The following ISL1 variants were observed in gnomAD, a reference collection of about 807,000 sequenced individuals.
ISL1 encodes the protein insulin gene enhancer protein ISL-1.
A neutral mutation model predicts 35.3 loss-of-function variants in ISL1; 4 were observed. The observed-to-expected ratio is 0.11, with a 90% CI of 0.06 to 0.26. The LOEUF (loss-of-function observed/expected upper bound fraction) is 0.26, where lower values mean the gene tolerates loss of function less well. ISL1 is among the 10% of genes least tolerant of loss of function. The probability of loss-of-function intolerance (pLI) is 1.00; values close to 1 mark genes in which losing one functional copy is unlikely to be tolerated. For missense variants in ISL1, 340 were observed against 472.8 expected (o/e 0.72, Z 2.60); for synonymous variants, 186 against 172.3 (o/e 1.08, Z -0.62).
Position 51,389,748 on chromosome 5 carries a change from A to G in ISL1, c.581A>G (p.His194Arg), listed in dbSNP as rs1293031086. Residue 194 changes from histidine (H) to arginine (R), a missense_variant, in exon 4 of 6, where the codon CAC (histidine) becomes CGC (arginine). Physicochemically the swap from His to Arg is conservative, Grantham distance 29 (BLOSUM62 0). Around this residue, in one of 7 missense-constraint regions of ISL1, gnomAD observed 24 missense variants for 59.7 expected, o/e 0.40. Transcript: ENST00000230658. This position sits in a 1 kb window ranked among gnomAD's most constrained non-coding sequence, Gnocchi z 5.0. Reference protein sequence around the residue: ...VRTVLNEKQLHTLRTCYAANP... With the variant: ...VRTVLNEKQLRTLRTCYAANP... Reference sequence around the variant, plus strand: ...ACTGTGCTGAACGAGAAGCAGCTGCACACCTTGCGGACCTGCTACGCCGCA... The same window carrying G: ...ACTGTGCTGAACGAGAAGCAGCTGCGCACCTTGCGGACCTGCTACGCCGCA... 2 of 1,614,178 alleles carry G rather than the reference A, an allele frequency of 1.2e-6. No individual in the cohort carries two copies. The highest frequency in any genetic ancestry group is 3.3e-5 in the Admixed American group (2 of 60,032).
Position 51,391,306 on chromosome 5 carries a change from G to A in ISL1, c.798G>A (p.Val266=). 6.2e-7 allele frequency: 1 copy of A among 1,613,278 alleles called. No individual in the cohort carries two copies. Among genetic ancestry groups the A allele is most frequent in the Non-Finnish European group, 8.5e-7 (1 of 1,179,986 alleles). The change falls in exon 5 of 6, where the codon GTG becomes GTA. Residue 266 remains valine, a synonymous_variant. Coordinates refer to ENST00000230658, the MANE Select transcript of ISL1 (RefSeq NM_002202.3). ...NIQGMTGTPM[V]AASPERHDGG... is the part of the protein sequence containing the mutation. Reference sequence around the variant, plus strand: ...AGGGGATGACAGGAACTCCCATGGTGGCTGCCAGTCCAGAGAGACACGACG... The same window carrying A: ...AGGGGATGACAGGAACTCCCATGGTAGCTGCCAGTCCAGAGAGACACGACG...
At position 51,387,769 on chromosome 5, in the gene ISL1, G is replaced by A. The variant is rs1747386005; in HGVS notation, c.478+20G>A. On this transcript the variant is annotated intron_variant, in intron 3 of 5. Coordinates refer to ENST00000230658, the MANE Select transcript of ISL1 (RefSeq NM_002202.3). The surrounding 1 kb of genome is among the most constrained non-coding windows in gnomAD (Gnocchi z 4.3). ...TGGCAGGTACTCCTCTGCCCGGCTC[G>A]GGTAGGCAGGCGCCAGGTTAAGCCA... 1 of 1,612,964 alleles carries A rather than the reference G, an allele frequency of 6.2e-7. No homozygotes were observed. Among genetic ancestry groups the A allele is most frequent in the Admixed American group, 1.7e-5 (1 of 59,978 alleles).
rs757785737 is a variant in ISL1, at chr5:51,389,626, C to T, written c.479-20C>T. 4.0e-5 allele frequency: 64 copies of T among 1,598,308 alleles called. No individual in the cohort carries two copies. The highest frequency in any genetic ancestry group is 5.4e-5 in the African/African-American group (4 of 74,620). On this transcript the variant is annotated intron_variant, in intron 3 of 5. Transcript: ENST00000230658. This position sits in a 1 kb window ranked among gnomAD's most constrained non-coding sequence, Gnocchi z 5.0. ...AAGCGAGCCTCCAGCCCAGCGCTCA[C>T]GGCGCTCCTTGCCCCGCAGCGGAGC...
At chr5:51,386,453 G>T (rs1205936014) in intron 2 of ISL1, 1 of 403,826 alleles carries the variant, frequency 2.5e-6, no homozygotes, top group African/African-American at 2.1e-5. Context: ...TGGACAGTTA[G>T]ATTTCCACAT....
chr5:51,390,642 CTT>C (rs57707586), intron 4 of ISL1, among the ~76,000 whole-genome samples: 58 of 40,194 alleles, frequency 1.4e-3, no homozygotes, highest in African/African-American at 2.9e-3. Flanking sequence ...CTTTCTTTTT[CTT>C]TTTTTTTTTT....
chr5:51,384,768 T>G, intron 2 of ISL1, 38 bp downstream of exon 2: 1 of 1,561,480 alleles, frequency 6.4e-7, no homozygotes, highest in Non-Finnish European at 8.8e-7. Context: ...TTTGTGGGAT[T>G]TCCCTGAATC....
intron 2 of ISL1, among the ~76,000 whole-genome samples, chr5:51,385,752 T>A (rs1181891311): frequency 6.6e-6 from 1 of 152,132 alleles, no homozygotes; most frequent in Admixed American, 6.5e-5. Flanking sequence ...ATCATTATTA[T>A]GTTAAATAAT....
chr5:51,389,761 C>A lies in ISL1; in HGVS notation c.594C>A (p.Thr198=), dbSNP rs1254102253. 1 of 1,614,194 alleles carries A rather than the reference C, an allele frequency of 6.2e-7. No homozygotes were observed. Residue 198 remains threonine (T), a synonymous_variant, in exon 4 of 6, where the codon ACC becomes ACA. Transcript: ENST00000230658. This position sits in a 1 kb window ranked among gnomAD's most constrained non-coding sequence, Gnocchi z 5.0. ...LNEKQLHTLR[T]CYAANPRPDA... is the part of the protein sequence containing the mutation. ...AGAAGCAGCTGCACACCTTGCGGAC[C>A]TGCTACGCCGCAAACCCGCGGCCAG...
chr5:51,393,423 A>G, intron 5 of ISL1, 71 bp from the exon 6 acceptor site: 1 of 862,044 alleles, frequency 1.2e-6, no homozygotes, highest in Admixed American at 1.7e-5. Flanking sequence ...CATATACAAT[A>G]TGATGAGTTT....
At chr5:51,383,841 C>A in intron 1 of ISL1, 142 bp downstream of exon 1, 1 of 755,090 alleles carries the variant, frequency 1.3e-6, no homozygotes, top group East Asian at 2.5e-5. Flanking sequence ...TTTCTTGTTG[C>A]CGCCACGCCT....
rs778528399 is a variant in ISL1 at position 51,384,520 on chromosome 5, A to G, written c.29-21A>G. ...GTAGGAAGTAAACGGTTAGTCAATC[A>G]TGTATTTATTTTCATTTCAGAAAAA... On this transcript the variant is annotated intron_variant, in intron 1 of 5. Coordinates refer to ENST00000230658, the MANE Select transcript of ISL1 (RefSeq NM_002202.3). 9.3e-6 allele frequency: 15 copies of G among 1,610,260 alleles called. No individual in the cohort carries two copies. In the East Asian group the frequency reaches 1.1e-4, roughly 12 times the overall value.
chr5:51,386,257 A>T (rs1166833561), intron 2 of ISL1: 3 of 171,634 alleles, frequency 1.7e-5, no homozygotes, highest in Non-Finnish European at 3.8e-5. Flanking sequence ...GAGTATCTTT[A>T]CTGCTATGGA....
Position 51,391,326 on chromosome 5 carries a change from A to G in ISL1, c.818A>G (p.His273Arg), listed in dbSNP as rs1202120433. Residue 273 changes from histidine to arginine, a missense_variant, in exon 5 of 6, where the codon CAC (histidine) becomes CGC (arginine). By Grantham distance (29) the His-to-Arg change is conservative. This residue lies in a region of ISL1 where 104 missense variants were observed against 97.3 expected (regional missense o/e 1.07). Transcript: ENST00000230658. The part of the protein sequence containing the change: ...TPMVAASPER[H>R]DGGLQANPVE... ...ATGGTGGCTGCCAGTCCAGAGAGAC[A>G]CGACGGTGGCTTACAGGCTAACCCA... The G allele has an allele frequency of 1.9e-6, 3 of 1,613,818 alleles. No individual in the cohort carries two copies. Among genetic ancestry groups the G allele is most frequent in the African/African-American group, 2.7e-5 (2 of 75,040 alleles).
chr5:51,383,579 C>A lies in ISL1; in HGVS notation c.-93C>A. 1 of 1,101,168 alleles carries A rather than the reference C, an allele frequency of 9.1e-7. No homozygotes were observed. The highest frequency in any genetic ancestry group is 1.4e-6 in the Non-Finnish European group (1 of 711,746). The allele number at this position is 1,101,168 out of a possible 1,614,324, so 68.2% of individuals were successfully genotyped here. ...TTGGCAACCCCAGGGGCCAATATTTCCCACTTAGCCACAGCTCCAGCATCC... is the reference window on the plus strand; with the variant it reads ...TTGGCAACCCCAGGGGCCAATATTTACCACTTAGCCACAGCTCCAGCATCC... On this transcript the variant is annotated 5_prime_UTR_variant, in exon 1 of 6. Transcript: ENST00000230658.
Position 51,391,386 on chromosome 5 carries a change from T to C in ISL1, c.878T>C (p.Val293Ala), listed in dbSNP as rs1235065616. 1.9e-6 allele frequency: 3 copies of C among 1,614,198 alleles called. No individual in the cohort carries two copies. Among genetic ancestry groups the C allele is most frequent in the Non-Finnish European group, 2.5e-6 (3 of 1,180,040 alleles). The part of the protein sequence containing the change: ...EVQSYQPPWK[V>A]LSDFALQSDI... Reference sequence around the variant, plus strand: ...CAAAGTTACCAGCCACCTTGGAAAGTACTGAGCGACTTCGCCTTGCAGAGT... The same window carrying C: ...CAAAGTTACCAGCCACCTTGGAAAGCACTGAGCGACTTCGCCTTGCAGAGT... The change falls in exon 5 of 6, where the codon GTA becomes GCA. Residue 293 changes from valine (V) to alanine (A), a missense_variant. Transcript: ENST00000230658.
chr5:51,387,621 G>A lies in ISL1; in HGVS notation c.350G>A (p.Gly117Glu). The A allele has an allele frequency of 6.2e-7, 1 of 1,614,224 alleles. No homozygotes were observed. The highest frequency in any genetic ancestry group is 8.5e-7 in the Non-Finnish European group (1 of 1,180,044). ...CVACSRQLIPGDEFALREDGL... is the reference protein window; with the variant it reads ...CVACSRQLIPEDEFALREDGL... Reference sequence around the variant, plus strand: ...GCCTGCAGCCGCCAGCTCATCCCTGGGGACGAATTTGCGCTTCGGGAGGAC... The same window carrying A: ...GCCTGCAGCCGCCAGCTCATCCCTGAGGACGAATTTGCGCTTCGGGAGGAC... Residue 117 changes from glycine to glutamate, a missense_variant, in exon 3 of 6, where the codon GGG becomes GAG. Coordinates refer to ENST00000230658, the MANE Select transcript of ISL1 (RefSeq NM_002202.3). This position sits in a 1 kb window ranked among gnomAD's most constrained non-coding sequence, Gnocchi z 4.3.
Position 51,391,448 on chromosome 5 carries a change from G to A in ISL1, c.933+7G>A. ...GCCTGCTTTTCAGCAACTGGTAAGT[G>A]TCAGCTCCCAGATGGAAGAGGCTGA... On this transcript the variant is annotated splice_region_variant and intron_variant, in intron 5 of 5. Coordinates refer to ENST00000230658, the MANE Select transcript of ISL1 (RefSeq NM_002202.3). 6.2e-7 allele frequency: 1 copy of A among 1,614,128 alleles called. No individual in the cohort carries two copies. Among genetic ancestry groups the A allele is most frequent in the Non-Finnish European group, 8.5e-7 (1 of 1,179,998 alleles).
intron 4 of ISL1, among the ~76,000 whole-genome samples, chr5:51,390,632 C>CTTTCTT (rs1561208262): frequency 1.5e-4 from 3 of 19,858 alleles, no homozygotes; most frequent in African/African-American, 5.9e-4. Flanking sequence ...TTTTTCTTTT[C>CTTTCTT]TTTCTTTTTC....
chr5:51,391,261 G>T lies in ISL1; in HGVS notation c.766-13G>T. ...ATTAACATGTTGGGATTGGTTGGGG[G>T]GCCTATTCACAGAATATCCAGGGGA... is the stretch of plus-strand genomic sequence containing the variant. On this transcript the variant is annotated splice_polypyrimidine_tract_variant and intron_variant, in intron 4 of 5. Coordinates refer to ENST00000230658, the MANE Select transcript of ISL1 (RefSeq NM_002202.3). 1 of 1,611,784 alleles carries T rather than the reference G, an allele frequency of 6.2e-7. No individual in the cohort carries two copies. The highest frequency in any genetic ancestry group is 8.5e-7 in the Non-Finnish European group (1 of 1,179,618).
Sources: gnomAD v4.1 joint callset for allele counts (sites outside exome capture counted in the v4.1 genomes callset) on GRCh38, gnomAD v4.1.1 for gene constraint, gnomAD v4.1.1 regional missense constraint, Gnocchi (gnomAD v3.1) non-coding constraint, MANE v1.5 for transcripts, NCBI Gene and HGNC (gene_info 2026-07-23, HGNC 2026-07-21) for gene names.